The following TBCB variants were observed in gnomAD, a reference collection of about 807,000 sequenced individuals.
The protein encoded by TBCB is tubulin folding cofactor B, also known as tubulin-folding cofactor B.
Under a neutral mutation model 29.2 loss-of-function variants are expected in TBCB, and 18 were observed. The observed-to-expected ratio is 0.62, with a 90% CI of 0.43 to 0.91. The LOEUF (loss-of-function observed/expected upper bound fraction) is 0.91. Among genes scored for constraint, TBCB ranks in the 40% least tolerant of loss-of-function variants. The pLI is 0.00. For synonymous variants in TBCB, 172 were observed against 137.8 expected (o/e 1.25, Z -1.74); for missense variants, 336 against 337.6 (o/e 1.00, Z 0.04).
In TBCB at chr19:36,116,076, C is replaced by A; in HGVS notation, c.150C>A (p.Ser50=). ...KLELLVGSPA[S]CMELELYGVD... ...AGTTGCTGGTGGGCAGCCCTGCTTC[C>A]TGCATGGAACTGGAGCTGTATGGAG... Residue 50 remains serine (S), a synonymous_variant, in exon 2 of 6, where the codon TCC becomes TCA. Transcript: ENST00000221855. 1 of 1,614,184 alleles carries A rather than the reference C, an allele frequency of 6.2e-7. No individual in the cohort carries two copies. The highest frequency in any genetic ancestry group is 8.5e-7 in the Non-Finnish European group (1 of 1,180,022).
intron 2 of TBCB, among the ~76,000 whole-genome samples, chr19:36,118,165 G>A (rs60393405): frequency 6.6e-6 from 1 of 152,142 alleles, no homozygotes; most frequent in Non-Finnish European, 1.5e-5. Flanking sequence ...TTGATTAACT[G>A]TTCATTCCCC....
In TBCB at chr19:36,115,597, G is replaced by T; in HGVS notation, c.37G>T (p.Val13Phe). Residue 13 changes from valine to phenylalanine, a missense_variant, in exon 1 of 6, where the codon GTT becomes TTT. Physicochemically the swap from Val to Phe is conservative, Grantham distance 50. Coordinates refer to ENST00000221855, the MANE Select transcript of TBCB (RefSeq NM_001281.3). ...VTGVSAPTVT[V>F]FISSSLNTFR... ...GGGGGTGTCGGCACCCACGGTGACCGTTTTCATCAGCAGCTCCCTCAACAC... is the reference window on the plus strand; with the variant it reads ...GGGGGTGTCGGCACCCACGGTGACCTTTTTCATCAGCAGCTCCCTCAACAC... 6.2e-7 allele frequency: 1 copy of T among 1,608,382 alleles called. No homozygotes were observed. Among genetic ancestry groups the T allele is most frequent in the South Asian group, 1.1e-5 (1 of 90,284 alleles).
chr19:36,121,992 C>T lies in TBCB; in HGVS notation c.547+274C>T, dbSNP rs79608574. On this transcript the variant is annotated intron_variant, in intron 4 of 5. Coordinates refer to ENST00000221855, the MANE Select transcript of TBCB (RefSeq NM_001281.3). ...GGCACGCGGCCTGTGCGCTTCGAAG[C>T]GTGGGGCAGTGTCAGTCGCGGTGGG... 0.042 allele frequency: 22,654 copies of T among 535,794 alleles called. 669 individuals carry two copies. The highest frequency in any genetic ancestry group is 0.099 in the East Asian group (2,894 of 29,236). 33.2% of individuals were successfully genotyped at this position (535,794 alleles called of 1,614,324 possible).
chr19:36,123,790 G>C (rs113893724), intron 4 of TBCB, among the ~76,000 whole-genome samples: 1 of 152,134 alleles, frequency 6.6e-6, no homozygotes, highest in African/African-American at 2.4e-5. Context: ...CAGGAGAATC[G>C]CTTGAGCCTG....
At position 36,121,690 on chromosome 19, in the gene TBCB, C is replaced by T; in HGVS notation, c.519C>T (p.Ser173=). Residue 173 remains serine, a synonymous_variant, in exon 4 of 6, where the codon TCC becomes TCT. Transcript: ENST00000221855. ...GTGAGGTGCGGGCGGCGGGACAATCCCCTCGCCGGGGCACCGTCATGTATG... is the reference window on the plus strand; with the variant it reads ...GTGAGGTGCGGGCGGCGGGACAATCTCCTCGCCGGGGCACCGTCATGTATG... ...SRCEVRAAGQ[S]PRRGTVMYVG... 2 of 1,555,462 alleles carry T rather than the reference C, an allele frequency of 1.3e-6. No homozygotes were observed. The highest frequency in any genetic ancestry group is 1.7e-6 in the Non-Finnish European group (2 of 1,150,974).
chr19:36,116,365 C>A lies in TBCB; in HGVS notation c.258+181C>A, dbSNP rs916776120. 10 of 771,710 alleles carry A rather than the reference C, an allele frequency of 1.3e-5. No homozygotes were observed. In the African/African-American group the frequency reaches 1.6e-4, roughly 12 times the overall value. The allele number at this position is 771,710 out of a possible 1,614,324, so 47.8% of individuals were successfully genotyped here. ...CAGGGACAGCCTAGAGTGGTCTGGG[C>A]TGGGATCAGGAAATCCCAGGGGACT... is the stretch of plus-strand genomic sequence containing the variant. On this transcript the variant is annotated intron_variant, in intron 2 of 5. Transcript: ENST00000221855.
upstream of TBCB, chr19:36,115,430 G>A (rs931285965): frequency 1.5e-6 from 1 of 673,984 alleles, no homozygotes; most frequent in Non-Finnish European, 2.6e-6. Context: ...CTCCTGGCAG[G>A]AGAGCGCGGA....
At chr19:36,115,809 C>A in intron 1 of TBCB, 135 bp downstream of exon 1, 1 of 1,088,454 alleles carries the variant, frequency 9.2e-7, no homozygotes, top group Non-Finnish European at 1.3e-6. Flanking sequence ...GCTGGGGACC[C>A]GGTCGCGGCG....
chr19:36,123,597 G>A (rs941537136), intron 4 of TBCB, among the ~76,000 whole-genome samples: 31 of 152,068 alleles, frequency 2.0e-4, no homozygotes, highest in African/African-American at 7.2e-4. Flanking sequence ...TGTGTGGCTG[G>A]GCATGGTGGC....
intron 2 of TBCB, among the ~76,000 whole-genome samples, chr19:36,119,785 C>T (rs1014425440): frequency 1.8e-4 from 27 of 151,574 alleles, no homozygotes; most frequent in African/African-American, 6.1e-4. Context: ...TTCAGCTGCC[C>T]GGGAGGCTGA....
At chr19:36,124,673 A>T (rs1470597505) in intron 4 of TBCB, among the ~76,000 whole-genome samples, 1 of 152,132 alleles carries the variant, frequency 6.6e-6, no homozygotes, top group Non-Finnish European at 1.5e-5. Context: ...CCTCCCGAGT[A>T]GCTGGAACTA....
At chr19:36,114,986 G>A (rs1242347455), upstream of TBCB, 5 of 883,770 alleles carry the variant, frequency 5.7e-6, no homozygotes, top group East Asian at 2.5e-5. The surrounding 1 kb of genome is among the most constrained non-coding windows in gnomAD (Gnocchi z 4.5). Flanking sequence ...CTGGCTCCCC[G>A]CCGCCTCGGG....
chr19:36,119,893 C>CAA (rs574254238), intron 2 of TBCB, among the ~76,000 whole-genome samples: 13 of 122,166 alleles, frequency 1.1e-4, no homozygotes, highest in East Asian at 2.4e-4. Flanking sequence ...GAGACTCCGT[C>CAA]AAAAAAAAAA....
chr19:36,121,670 G>T lies in TBCB; in HGVS notation c.499G>T (p.Val167Leu). Residue 167 changes from valine to leucine, a missense_variant, in exon 4 of 6, where the codon GTG (valine) becomes TTG (leucine). Transcript: ENST00000221855. Reference protein sequence around the residue: ...SSIPVGSRCEVRAAGQSPRRG... With the variant: ...SSIPVGSRCELRAAGQSPRRG... ...CATCCCCGTGGGCAGCCGCTGTGAG[G>T]TGCGGGCGGCGGGACAATCCCCTCG... is the stretch of plus-strand genomic sequence containing the variant. The T allele has an allele frequency of 6.4e-7, 1 of 1,563,460 alleles. No individual in the cohort carries two copies.
At chr19:36,123,735 C>T (rs532355652) in intron 4 of TBCB, among the ~76,000 whole-genome samples, 2 of 152,216 alleles carry the variant, frequency 1.3e-5, no homozygotes, top group African/African-American at 4.8e-5. Context: ...ATTAACTGGG[C>T]GTGGTGGCGG....
intron 2 of TBCB, chr19:36,118,508 C>T (rs963330903): frequency 2.0e-5 from 3 of 151,874 alleles, no homozygotes; most frequent in Non-Finnish European, 4.4e-5. Context: ...GGTGAAACCC[C>T]GTCTCTCCTA....
Position 36,115,490 on chromosome 19 carries a change from C to A in TBCB, c.-71C>A. The stretch of plus-strand genomic sequence containing the variant: ...GGGGCTGATAGCCCAGCAGCAGCAG[C>A]GGCGGCGGCGGCTGCGGAGCGGGTG... On this transcript the variant is annotated 5_prime_UTR_variant, in exon 1 of 6. Coordinates refer to ENST00000221855, the MANE Select transcript of TBCB (RefSeq NM_001281.3). 1.7e-6 allele frequency: 2 copies of A among 1,165,286 alleles called. No individual in the cohort carries two copies. Among genetic ancestry groups the A allele is most frequent in the Non-Finnish European group, 1.2e-6 (1 of 810,032 alleles). The allele number at this position is 1,165,286 out of a possible 1,614,324, so 72.2% of individuals were successfully genotyped here. A position where few individuals can be genotyped will look rare whatever the true frequency, so the allele number is the denominator to read the frequency against.
At chr19:36,120,894 C>G in intron 3 of TBCB, 88 bp downstream of exon 3, 2 of 1,246,172 alleles carry the variant, frequency 1.6e-6, no homozygotes, top group Non-Finnish European at 2.3e-6. Flanking sequence ...AGGGCCCCTG[C>G]AGGGAGGCCA....
At position 36,125,742 on chromosome 19, in the gene TBCB, G is replaced by T; in HGVS notation, c.695G>T (p.Gly232Val). 1.9e-6 allele frequency: 3 copies of T among 1,568,684 alleles called. No individual in the cohort carries two copies. The highest frequency in any genetic ancestry group is 2.6e-6 in the Non-Finnish European group (3 of 1,157,450). Residue 232 changes from glycine to valine, a missense_variant, in exon 6 of 6, where the codon GGG (glycine) becomes GTG (valine). Transcript: ENST00000221855. The part of the protein sequence containing the change: ...AFVKPAVVTV[G>V]DFPEEDYGLD... ...GTCAAGCCAGCAGTCGTGACGGTGG[G>T]GGACTTCCCGGAGGAGGACTACGGG...
Sources: allele counts gnomAD v4.1 joint callset (sites outside exome capture counted in the v4.1 genomes callset), GRCh38; gene constraint gnomAD v4.1.1; non-coding constraint Gnocchi (gnomAD v3.1); transcripts MANE v1.5; gene names NCBI Gene and HGNC (gene_info 2026-07-23, HGNC 2026-07-21).